The following KIF2A variants were observed in gnomAD, a reference collection of about 807,000 sequenced individuals.
KIF2A encodes kinesin family member 2A.
KIF2A carries 22 observed loss-of-function variants against 100.2 expected under a neutral mutation model. The ratio of observed to expected loss-of-function variants is 0.22; its 90% CI spans 0.16 to 0.31. KIF2A has a LOEUF of 0.31. Ranked by LOEUF, KIF2A falls within the 10% of genes least tolerant of loss-of-function variation. The pLI, the probability that KIF2A is intolerant of heterozygous loss-of-function variation, is 1.00. For missense variants in KIF2A, 495 were observed against 898.7 expected, an observed-to-expected ratio of 0.55 and a Z score of 5.74; for synonymous variants, 268 against 285.9, an observed-to-expected ratio of 0.94 and a Z score of 0.63.
intron 19 of KIF2A, among the ~76,000 whole-genome samples, chr5:62,380,895 A>G (rs760454205): frequency 5.0e-4 from 76 of 152,270 alleles, no homozygotes; most frequent in Non-Finnish European, 7.1e-4. Flanking sequence ...CGTAACTTAC[A>G]TTGAAAAAAA....
At chr5:62,384,343 CTG>C (rs1275021682) in intron 20 of KIF2A, among the ~76,000 whole-genome samples, 1 of 152,204 alleles carries the variant, frequency 6.6e-6, no homozygotes, top group Non-Finnish European at 1.5e-5. Context: ...TTAAACATCA[CTG>C]TACTTTCAAA....
rs531249149 is a variant in KIF2A, at chr5:62,370,288, C to CT, written c.1647-2147dup. On this transcript the variant is annotated intron_variant, in intron 16 of 20. Coordinates refer to ENST00000407818, the MANE Select transcript of KIF2A (RefSeq NM_001098511.3). Reference sequence around the variant, plus strand: ...GTTCATCAGATGACAATTAGAGATACTTTATTTATTTATTTATTTATTTAA... The same window carrying CT: ...GTTCATCAGATGACAATTAGAGATACTTTTATTTATTTATTTATTTATTTAA... Among the ~76,000 whole-genome samples the CT allele has an allele frequency of 5.4e-3, 826 of 151,890 alleles. 2 individuals are homozygous for CT. Among genetic ancestry groups the CT allele is most frequent in the South Asian group, 0.012 (60 of 4,810 alleles).
intron 20 of KIF2A, among the ~76,000 whole-genome samples, chr5:62,382,154 T>C (rs1395708293): frequency 1.3e-5 from 2 of 152,248 alleles, no homozygotes; most frequent in Admixed American, 1.3e-4. Context: ...TTAATTTTTT[T>C]AAGGAGGCCC....
intron 1 of KIF2A, among the ~76,000 whole-genome samples, chr5:62,307,504 G>C (rs889001497): frequency 6.6e-6 from 1 of 152,134 alleles, no homozygotes; most frequent in East Asian, 1.9e-4. Flanking sequence ...ATATTGTAAA[G>C]GAATAAATGC....
At chr5:62,317,142 G>A (rs574652986) in intron 1 of KIF2A, among the ~76,000 whole-genome samples, 2 of 151,520 alleles carry the variant, frequency 1.3e-5, no homozygotes, top group South Asian at 2.1e-4. Context: ...TCTGCCTCCC[G>A]AGTTCAAGCA....
chr5:62,374,839 A>G (rs564759583), intron 18 of KIF2A, among the ~76,000 whole-genome samples: 2 of 152,266 alleles, frequency 1.3e-5, no homozygotes, highest in Admixed American at 6.5e-5. Flanking sequence ...AGGGATGAAA[A>G]TCGCTTGAAA....
chr5:62,362,966 A>G (rs1311050362), intron 12 of KIF2A, among the ~76,000 whole-genome samples: 2 of 152,166 alleles, frequency 1.3e-5, no homozygotes, highest in Non-Finnish European at 2.9e-5. Flanking sequence ...AGCTGCGACT[A>G]TAGGCATGCA....
At chr5:62,370,249 A>G (rs1741260409) in intron 16 of KIF2A, among the ~76,000 whole-genome samples, 1 of 152,138 alleles carries the variant, frequency 6.6e-6, no homozygotes, top group African/African-American at 2.4e-5. Flanking sequence ...TAAGTGATTA[A>G]GTTGACAAGT....
At chr5:62,358,917 C>T (rs1018566565) in intron 9 of KIF2A, among the ~76,000 whole-genome samples, 2 of 152,206 alleles carry the variant, frequency 1.3e-5, no homozygotes, top group African/African-American at 2.4e-5. Context: ...GTGATCTGCC[C>T]GCCTTGGCTT....
intron 1 of KIF2A, among the ~76,000 whole-genome samples, chr5:62,329,815 A>G (rs1418285775): frequency 1.3e-5 from 2 of 152,226 alleles, no homozygotes; most frequent in African/African-American, 4.8e-5. Context: ...AATTATTTTC[A>G]TGCGCTTGAA....
At position 62,348,122 on chromosome 5, in the gene KIF2A, A is replaced by G. The variant is rs772419116; in HGVS notation, c.234A>G (p.Thr78=). The G allele has an allele frequency of 1.9e-6, 3 of 1,613,816 alleles. No homozygotes were observed. The highest frequency in any genetic ancestry group is 2.5e-6 in the Non-Finnish European group (3 of 1,179,826). ...PDEEIEPSPE[T]PPPPASSAKV... ...AAGAAATTGAACCCAGTCCAGAAAC[A>G]CCTCCACCTCCAGCATCCTCAGCCA... Residue 78 remains threonine, a synonymous_variant, in exon 3 of 21, where the codon ACA becomes ACG. Coordinates refer to ENST00000407818, the MANE Select transcript of KIF2A (RefSeq NM_001098511.3).
chr5:62,327,294 C>T (rs938681504), intron 1 of KIF2A, among the ~76,000 whole-genome samples: 3 of 152,124 alleles, frequency 2.0e-5, no homozygotes, highest in African/African-American at 7.2e-5. Context: ...TATTGCTCTG[C>T]CTGAAAAGCC....
At chr5:62,333,112 C>T (rs1296376459) in intron 1 of KIF2A, among the ~76,000 whole-genome samples, 1 of 152,202 alleles carries the variant, frequency 6.6e-6, no homozygotes, top group Non-Finnish European at 1.5e-5. Context: ...AATGTAGCTC[C>T]AAACTTTTCT....
At chr5:62,377,564 A>G in intron 18 of KIF2A, 97 bp from the exon 19 acceptor site, 1 of 603,394 alleles carries the variant, frequency 1.7e-6, no homozygotes, top group Non-Finnish European at 2.7e-6. Flanking sequence ...AAGCCTCTTC[A>G]ATTTCTAAAT....
At chr5:62,380,569 C>G (rs1005078102) in intron 19 of KIF2A, among the ~76,000 whole-genome samples, 1 of 151,952 alleles carries the variant, frequency 6.6e-6, no homozygotes, top group African/African-American at 2.4e-5. Context: ...TTTGAGCCCC[C>G]CTAAAACTTG....
At chr5:62,358,938 T>A (rs541341969) in intron 9 of KIF2A, among the ~76,000 whole-genome samples, 1 of 152,370 alleles carries the variant, frequency 6.6e-6, no homozygotes, top group South Asian at 2.1e-4. Context: ...CCCAAAGTGC[T>A]GGGATTACAG....
chr5:62,387,729 T>C lies in KIF2A; in HGVS notation c.*2160T>C, dbSNP rs1202389847. On this transcript the variant is annotated 3_prime_UTR_variant, in exon 21 of 21. Coordinates refer to ENST00000407818, the MANE Select transcript of KIF2A (RefSeq NM_001098511.3). Reference sequence around the variant, plus strand: ...TACAAGTGAACTCTGCAAAATAGTTTTGTGAAATTAAACAAAAAAATCTAC... The same window carrying C: ...TACAAGTGAACTCTGCAAAATAGTTCTGTGAAATTAAACAAAAAAATCTAC... 6.6e-6 allele frequency: 1 copy of C among 150,812 alleles called. No individual in the cohort carries two copies. The highest frequency in any genetic ancestry group is 2.0e-4 in the East Asian group (1 of 5,128). The allele number at this position is 150,812 out of a possible 1,614,324, so 9.3% of individuals were successfully genotyped here.
chr5:62,344,545 C>T (rs1411030047), intron 1 of KIF2A, among the ~76,000 whole-genome samples: 1 of 152,030 alleles, frequency 6.6e-6, no homozygotes, highest in Non-Finnish European at 1.5e-5. Context: ...GAATAGGTCC[C>T]ACTGTTGGTG....
At chr5:62,356,243 C>T (rs1282501023) in intron 7 of KIF2A, among the ~76,000 whole-genome samples, 1 of 152,284 alleles carries the variant, frequency 6.6e-6, no homozygotes, top group East Asian at 1.9e-4. Context: ...ATACTTGTAT[C>T]CCACATATTT....
Sources: allele counts gnomAD v4.1 joint callset (sites outside exome capture counted in the v4.1 genomes callset), GRCh38; gene constraint gnomAD v4.1.1; transcripts MANE v1.5; gene names NCBI Gene and HGNC (gene_info 2026-07-23, HGNC 2026-07-21).